The following TTC1 variants were observed in gnomAD, a reference collection of about 807,000 sequenced individuals.
The protein encoded by TTC1 is tetratricopeptide repeat domain 1, also known as tetratricopeptide repeat protein 1.
In TTC1, 31 loss-of-function variants were observed where a neutral mutation model predicts 37.6. That is an observed-to-expected ratio of 0.82 (90% CI 0.62 to 1.11). The LOEUF is 1.11. Ranked by LOEUF, TTC1 falls within the 50% of genes most tolerant of loss-of-function variation. TTC1 has a pLI of 0.00. For synonymous variants in TTC1, 127 were observed against 122.4 expected (o/e 1.04, Z -0.25); for missense variants, 351 against 339.0 (o/e 1.04, Z -0.28).
intron 5 of TTC1, among the ~76,000 whole-genome samples, chr5:160,045,241 C>G (rs560052739): frequency 4.6e-5 from 7 of 151,834 alleles, no homozygotes; most frequent in African/African-American, 7.3e-5. Flanking sequence ...AGCTGCAGCC[C>G]GAAGTGTAGG....
intron 5 of TTC1, among the ~76,000 whole-genome samples, chr5:160,048,819 C>T (rs895369967): frequency 4.6e-5 from 7 of 152,080 alleles, no homozygotes; most frequent in African/African-American, 1.4e-4. Flanking sequence ...GGCATGGTGG[C>T]GCATGCCTGT....
In TTC1 at chr5:160,010,623, C is replaced by T; in HGVS notation, c.95C>T (p.Pro32Leu). The T allele has an allele frequency of 6.2e-7, 1 of 1,614,052 alleles. No homozygotes were observed. Among genetic ancestry groups the T allele is most frequent in the Non-Finnish European group, 8.5e-7 (1 of 1,180,006 alleles). Residue 32 changes from proline to leucine, a missense_variant, in exon 2 of 8, where the codon CCA becomes CTA. Coordinates refer to ENST00000231238, the MANE Select transcript of TTC1 (RefSeq NM_003314.3). ...CAGGAAGCCGAGTGTGCTGGCCCTCCAGTTCCTGATCCCAAAAATCAGCAT... is the reference window on the plus strand; with the variant it reads ...CAGGAAGCCGAGTGTGCTGGCCCTCTAGTTCCTGATCCCAAAAATCAGCAT... ...DTQEAECAGP[P>L]VPDPKNQHSQ...
intron 2 of TTC1, among the ~76,000 whole-genome samples, chr5:160,024,552 A>C (rs1756767418): frequency 1.3e-5 from 2 of 152,294 alleles, no homozygotes. Flanking sequence ...GCTGGAGCAC[A>C]GTGGCATAAT....
intron 7 of TTC1, chr5:160,063,682 AAAATT>A (rs1753502443): frequency 6.6e-6 from 1 of 152,346 alleles, no homozygotes; most frequent in East Asian, 1.9e-4. Context: ...ACCTGTAAGA[AAAATT>A]AAAGCAGTTT....
chr5:160,019,509 T>A (rs960987309), intron 2 of TTC1, among the ~76,000 whole-genome samples: 1 of 152,068 alleles, frequency 6.6e-6, no homozygotes, highest in Non-Finnish European at 1.5e-5. Flanking sequence ...ACTTCTTCCA[T>A]AGTGGCCTGC....
chr5:160,017,937 T>C (rs539279328), intron 2 of TTC1, among the ~76,000 whole-genome samples: 592 of 152,334 alleles, frequency 3.9e-3, no homozygotes, highest in Non-Finnish European at 6.4e-3. Context: ...TTCTGTTCTC[T>C]CATTGGAGAA....
chr5:160,028,827 C>A (rs764602657), intron 2 of TTC1, among the ~76,000 whole-genome samples: 7 of 152,066 alleles, frequency 4.6e-5, no homozygotes, highest in Non-Finnish European at 1.0e-4. Context: ...CTCCTTACTT[C>A]ACCACATCAG....
chr5:160,023,832 C>CA (rs1756756876), intron 2 of TTC1: 7 of 1,613,552 alleles, frequency 4.3e-6, no homozygotes, highest in Admixed American at 1.7e-5. Context: ...TCTGAGCTGT[C>CA]AGAGTCAGAT....
intron 4 of TTC1, among the ~76,000 whole-genome samples, chr5:160,041,094 A>C (rs1757082900): frequency 6.6e-6 from 1 of 152,094 alleles, no homozygotes; most frequent in Non-Finnish European, 1.5e-5. Flanking sequence ...CAAGAGCGAC[A>C]CATACATGAA....
intron 7 of TTC1, among the ~76,000 whole-genome samples, chr5:160,053,186 A>G (rs184133701): frequency 1.3e-5 from 2 of 152,330 alleles, no homozygotes; most frequent in East Asian, 1.9e-4. Context: ...ATGCAAATTA[A>G]TATCACTTAG....
At chr5:160,042,000 A>G (rs1382442732) in intron 4 of TTC1, among the ~76,000 whole-genome samples, 1 of 151,948 alleles carries the variant, frequency 6.6e-6, no homozygotes, top group Admixed American at 6.6e-5. Context: ...CGTGAACTCA[A>G]CTTACTGCAA....
intron 5 of TTC1, among the ~76,000 whole-genome samples, 183 bp downstream of exon 5, chr5:160,043,352 A>G (rs1413579291): frequency 6.6e-6 from 1 of 152,222 alleles, no homozygotes; most frequent in Admixed American, 6.5e-5. Context: ...GGATAGTTCA[A>G]TCAGTTTCTC....
intron 6 of TTC1, 66 bp from the exon 7 acceptor site, chr5:160,051,063 A>G: frequency 1.5e-6 from 2 of 1,346,180 alleles, no homozygotes; most frequent in Non-Finnish European, 2.0e-6. Context: ...TCAAATTCAA[A>G]ATAAAGGGAA....
intron 2 of TTC1, among the ~76,000 whole-genome samples, chr5:160,030,456 T>A (rs1756889624): frequency 6.6e-6 from 1 of 152,226 alleles, no homozygotes; most frequent in South Asian, 2.1e-4. Flanking sequence ...AGTCAAGACC[T>A]CCATGCCCAC....
At chr5:160,038,659 CTTTT>C (rs541012506) in intron 4 of TTC1, among the ~76,000 whole-genome samples, 3 of 120,196 alleles carry the variant, frequency 2.5e-5, no homozygotes, top group South Asian at 5.4e-4. Flanking sequence ...AGTTGCGTTT[CTTTT>C]TTTTTTTTTT....
intron 4 of TTC1, among the ~76,000 whole-genome samples, chr5:160,039,407 T>G (rs1472332664): frequency 6.6e-6 from 1 of 152,064 alleles, no homozygotes; most frequent in Non-Finnish European, 1.5e-5. Context: ...GTATACTGTT[T>G]TATATAGATA....
intron 2 of TTC1, among the ~76,000 whole-genome samples, chr5:160,030,466 C>T (rs936826711): frequency 6.6e-6 from 1 of 152,162 alleles, no homozygotes; most frequent in African/African-American, 2.4e-5. Context: ...TCCATGCCCA[C>T]CTCTCAAAAT....
intron 7 of TTC1, among the ~76,000 whole-genome samples, chr5:160,056,284 C>T (rs989533331): frequency 2.6e-5 from 4 of 152,202 alleles, no homozygotes; most frequent in African/African-American, 9.6e-5. Context: ...TAATCCAACC[C>T]AGGTTTTCCA....
intron 4 of TTC1, 60 bp downstream of exon 4, chr5:160,036,863 A>G: frequency 8.1e-7 from 1 of 1,240,106 alleles, no homozygotes; most frequent in Non-Finnish European, 1.2e-6. Context: ...TTTTCATACC[A>G]TAGTTTCTCT....
Sources: allele counts gnomAD v4.1 joint callset (sites outside exome capture counted in the v4.1 genomes callset), GRCh38; gene constraint gnomAD v4.1.1; transcripts MANE v1.5; gene names NCBI Gene and HGNC (gene_info 2026-07-23, HGNC 2026-07-21).